Variants in LHFPL1 observed in about 807,000 individuals in gnomAD.
LHFPL1 encodes LHFPL tetraspan subfamily member 1.
In LHFPL1, 4 loss-of-function variants were observed where a neutral mutation model predicts 12.1. The observed-to-expected ratio is 0.33, with a 90% CI of 0.16 to 0.76. The LOEUF (loss-of-function observed/expected upper bound fraction) is 0.76. Ranked by LOEUF, LHFPL1 falls within the 30% of genes least tolerant of loss-of-function variation. The probability of loss-of-function intolerance (pLI) is 0.61; values close to 1 mark genes in which losing one functional copy is unlikely to be tolerated. For synonymous variants in LHFPL1, 52 were observed against 61.9 expected (o/e 0.84, Z 0.75); for missense variants, 141 against 174.1 (o/e 0.81, Z 1.07).
chrX:112,666,387 A>C (rs1211069518), intron 2 of LHFPL1, among the ~76,000 whole-genome samples: 1 of 111,375 alleles, frequency 9.0e-6, no homozygotes, highest in Non-Finnish European at 1.9e-5. Context: ...TGTCAAAAGT[A>C]GATCAGGGAA....
intron 3 of LHFPL1, 139 bp downstream of exon 3, chrX:112,660,488 A>T: frequency 2.0e-6 from 1 of 499,068 alleles, no homozygotes; most frequent in Non-Finnish European, 3.5e-6. Context: ...CTTGTGAGTT[A>T]AGCTACCACT....
At chrX:112,637,209 C>T (rs994802456) in intron 3 of LHFPL1, among the ~76,000 whole-genome samples, 2 of 112,271 alleles carry the variant, frequency 1.8e-5, no homozygotes, top group African/African-American at 3.2e-5. Context: ...AATCAAGACA[C>T]GTTGCTTTTA....
chrX:112,644,112 A>G (rs1865592707), intron 3 of LHFPL1, among the ~76,000 whole-genome samples: 1 of 112,237 alleles, frequency 8.9e-6, no homozygotes, highest in Admixed American at 9.4e-5. Context: ...TAAGCCATGG[A>G]TTTTCAAGGA....
At chrX:112,670,479 A>G (rs1931465896) in intron 2 of LHFPL1, among the ~76,000 whole-genome samples, 1 of 112,639 alleles carries the variant, frequency 8.9e-6, no homozygotes, top group Non-Finnish European at 1.9e-5. Context: ...AGACAGGGCT[A>G]GCCTTAGATG....
At chrX:112,674,834 G>A (rs938412328) in intron 1 of LHFPL1, among the ~76,000 whole-genome samples, 18 of 111,868 alleles carry the variant, frequency 1.6e-4, no homozygotes, top group African/African-American at 5.2e-4. Context: ...CTACACTGGT[G>A]GTGGGAATGT....
At chrX:112,635,293 A>T (rs1930307867) in intron 3 of LHFPL1, among the ~76,000 whole-genome samples, 1 of 112,738 alleles carries the variant, frequency 8.9e-6, no homozygotes, top group South Asian at 3.6e-4. Context: ...TTTAATTCTC[A>T]TAACAGCCAT....
intron 3 of LHFPL1, among the ~76,000 whole-genome samples, chrX:112,634,107 T>C (rs1930268225): frequency 8.9e-6 from 1 of 111,882 alleles, no homozygotes; most frequent in South Asian, 3.8e-4. Context: ...CAGACTTTAT[T>C]GCACCTACTT....
chrX:112,634,684 G>C (rs1299834988), intron 3 of LHFPL1, among the ~76,000 whole-genome samples: 2 of 111,675 alleles, frequency 1.8e-5, no homozygotes, highest in Admixed American at 9.5e-5. Context: ...AGAGTGAAGA[G>C]CTGGCTAGAA....
At chrX:112,664,324 C>A (rs1488902121) in intron 2 of LHFPL1, among the ~76,000 whole-genome samples, 2 of 111,843 alleles carry the variant, frequency 1.8e-5, no homozygotes, top group Non-Finnish European at 3.8e-5. Flanking sequence ...TCTTATACAG[C>A]TGACTCTCCC....
At chrX:112,657,689 T>C (rs890190318) in intron 3 of LHFPL1, among the ~76,000 whole-genome samples, 9 of 111,283 alleles carry the variant, frequency 8.1e-5, no homozygotes, top group South Asian at 7.6e-4. Context: ...GGGGAAATAA[T>C]AGACTTTTCA....
chrX:112,655,536 TG>T (rs1309588788), intron 3 of LHFPL1, among the ~76,000 whole-genome samples: 1 of 111,272 alleles, frequency 9.0e-6, no homozygotes, highest in African/African-American at 3.3e-5. Flanking sequence ...AGTAGCAGAG[TG>T]GTAAATCCTT....
At chrX:112,645,071 C>T (rs1034903449) in intron 3 of LHFPL1, among the ~76,000 whole-genome samples, 1 of 111,961 alleles carries the variant, frequency 8.9e-6, no homozygotes, top group African/African-American at 3.3e-5. Flanking sequence ...GGAGGGGGTC[C>T]CTCCTTCCCT....
At chrX:112,661,620 C>A (rs1231810117) in intron 2 of LHFPL1, 1 of 111,590 alleles carries the variant, frequency 9.0e-6, no homozygotes, top group Non-Finnish European at 1.9e-5. Flanking sequence ...GGGCTAGTTT[C>A]TTGTTTCTGG....
intron 2 of LHFPL1, among the ~76,000 whole-genome samples, chrX:112,670,470 G>C (rs747744591): frequency 8.9e-6 from 1 of 112,658 alleles, no homozygotes; most frequent in East Asian, 2.8e-4. Context: ...ATAGCTGCCA[G>C]ACAGGGCTAG....
chrX:112,667,112 T>C (rs992655193), intron 2 of LHFPL1, among the ~76,000 whole-genome samples: 3 of 112,045 alleles, frequency 2.7e-5, no homozygotes, highest in Non-Finnish European at 5.6e-5. Flanking sequence ...AAAAAAATAG[T>C]TTCCAGAGAT....
At chrX:112,675,393 T>C (rs1931629681) in intron 1 of LHFPL1, among the ~76,000 whole-genome samples, 2 of 111,365 alleles carry the variant, frequency 1.8e-5, no homozygotes, top group African/African-American at 6.5e-5. Context: ...GGGGTTGTAA[T>C]ATATGGTTGT....
At chrX:112,659,896 G>A (rs1045252252) in intron 3 of LHFPL1, among the ~76,000 whole-genome samples, 25 of 112,307 alleles carry the variant, frequency 2.2e-4, no homozygotes, top group Non-Finnish European at 1.1e-4. Context: ...AGGCAACAGA[G>A]AGAAAGGGAA....
chrX:112,653,383 C>T (rs1327456324), intron 3 of LHFPL1, among the ~76,000 whole-genome samples: 1 of 111,786 alleles, frequency 8.9e-6, no homozygotes, highest in Non-Finnish European at 1.9e-5. Context: ...AATTTTGCTC[C>T]TTCAGTTATT....
At chrX:112,655,595 T>C (rs4336764) in intron 3 of LHFPL1, among the ~76,000 whole-genome samples, 2 of 111,861 alleles carry the variant, frequency 1.8e-5, no homozygotes, top group African/African-American at 6.5e-5. Flanking sequence ...TTCTCCTCCC[T>C]ACCTTCTTCA....
Sources: allele counts gnomAD v4.1 joint callset (sites outside exome capture counted in the v4.1 genomes callset), GRCh38; gene constraint gnomAD v4.1.1; transcripts MANE v1.5; gene names NCBI Gene and HGNC (gene_info 2026-07-23, HGNC 2026-07-21).